MEGF11: variants seen among roughly 807,000 people sequenced by gnomAD.
MEGF11 encodes the protein multiple epidermal growth factor-like domains protein 11.
MEGF11 carries 126 observed loss-of-function variants against 146.6 expected under a neutral mutation model. The observed-to-expected ratio is 0.86, with a 90% CI of 0.74 to 1.00. The LOEUF (loss-of-function observed/expected upper bound fraction) is 1.00. Among genes scored for constraint, MEGF11 ranks in the 50% least tolerant of loss-of-function variants. MEGF11 has a pLI of 0.00. For synonymous variants in MEGF11, 532 were observed against 583.4 expected (o/e 0.91, Z 1.27); for missense variants, 1,509 against 1,521.2 (o/e 0.99, Z 0.13).
At chr15:66,078,166 C>T (rs1240112238) in intron 5 of MEGF11, among the ~76,000 whole-genome samples, 1 of 152,174 alleles carries the variant, frequency 6.6e-6, no homozygotes, top group East Asian at 1.9e-4. Context: ...CTGAACCTCT[C>T]AGAGCCCATT....
chr15:65,971,685 C>T (rs2081302341), intron 7 of MEGF11, among the ~76,000 whole-genome samples: 1 of 152,138 alleles, frequency 6.6e-6, no homozygotes, highest in African/African-American at 2.4e-5. Context: ...AGTTGAGGGT[C>T]CCATCAGTCA....
rs375860216 is a variant in MEGF11 at position 65,907,584 on chromosome 15, C to T, written c.2999-1443G>A. On this transcript the variant is annotated intron_variant, in intron 23 of 25. Transcript: ENST00000395614. ...TGCTGGGATTACAGACGTGAGCCAC[C>T]GTACCCAGCCTCAAATTTGCTGTTT... 5.0e-3 allele frequency among the ~76,000 whole-genome samples: 754 copies of T among 152,300 alleles called. 3 individuals are homozygous for T. The highest frequency in any genetic ancestry group is 8.5e-3 in the Non-Finnish European group (579 of 68,028).
At chr15:66,155,466 C>T (rs979684566) in intron 1 of MEGF11, among the ~76,000 whole-genome samples, 1 of 152,168 alleles carries the variant, frequency 6.6e-6, no homozygotes, top group African/African-American at 2.4e-5. Context: ...CAGGTAGGCA[C>T]TCCCTTGCTG....
At chr15:66,006,874 G>C (rs912088842) in intron 5 of MEGF11, among the ~76,000 whole-genome samples, 18 of 152,188 alleles carry the variant, frequency 1.2e-4, no homozygotes, top group African/African-American at 4.1e-4. Flanking sequence ...TAATGGGAGG[G>C]AGACCTTCAT....
intron 1 of MEGF11, among the ~76,000 whole-genome samples, chr15:66,211,337 C>A (rs2140128111): frequency 6.6e-6 from 1 of 152,168 alleles, no homozygotes; most frequent in Non-Finnish European, 1.5e-5. Flanking sequence ...TCTTGGCTAA[C>A]ACGGTGAAAC....
intron 21 of MEGF11, 137 bp downstream of exon 21, chr15:65,911,945 G>C: frequency 4.7e-6 from 2 of 421,886 alleles, no homozygotes; most frequent in Non-Finnish European, 8.1e-6. Context: ...CGGATTGCAA[G>C]GTTGCTTTTA....
chr15:66,075,421 T>C (rs768704957), intron 5 of MEGF11, among the ~76,000 whole-genome samples: 2 of 152,258 alleles, frequency 1.3e-5, no homozygotes, highest in Non-Finnish European at 2.9e-5. Flanking sequence ...ACTGGCTTTA[T>C]GGAAGGATTT....
chr15:66,072,444 C>T (rs191084939), intron 5 of MEGF11, among the ~76,000 whole-genome samples: 192 of 152,194 alleles, frequency 1.3e-3, no homozygotes, highest in African/African-American at 3.9e-3. Flanking sequence ...TTGAAATTAC[C>T]GTGTTTATTT....
chr15:65,958,447 C>T (rs942571822), intron 9 of MEGF11, among the ~76,000 whole-genome samples: 42 of 151,870 alleles, frequency 2.8e-4, no homozygotes, highest in African/African-American at 9.5e-4. Flanking sequence ...TATTCATGAT[C>T]AGCGGGATGC....
At chr15:65,965,571 CCTTTCTTT>C (rs1185795809) in intron 8 of MEGF11, among the ~76,000 whole-genome samples, 4 of 66,564 alleles carry the variant, frequency 6.0e-5, no homozygotes, top group African/African-American at 2.3e-4. Context: ...CAGTGAGGTC[CCTTTCTTT>C]CTTTCTTTCT....
At chr15:66,039,181 G>A (rs564314160) in intron 5 of MEGF11, among the ~76,000 whole-genome samples, 67 of 152,294 alleles carry the variant, frequency 4.4e-4, no homozygotes, top group Non-Finnish European at 7.6e-4. Flanking sequence ...TCACTCCACC[G>A]AAAAACATCG....
At chr15:65,965,570 C>CCCTTCCTTCCTTCCTT (rs1473366928) in intron 8 of MEGF11, among the ~76,000 whole-genome samples, 20 of 81,878 alleles carry the variant, frequency 2.4e-4, no homozygotes, top group African/African-American at 7.3e-4. Flanking sequence ...CCAGTGAGGT[C>CCCTTCCTTCCTTCCTT]CCTTTCTTTC....
intron 1 of MEGF11, among the ~76,000 whole-genome samples, chr15:66,241,122 C>T (rs374350415): frequency 1.2e-4 from 18 of 152,254 alleles, no homozygotes; most frequent in African/African-American, 3.4e-4. Context: ...GGATCTGGGC[C>T]GAATCAACTA....
chr15:66,082,919 G>A (rs1381807077), intron 5 of MEGF11, among the ~76,000 whole-genome samples: 1 of 152,054 alleles, frequency 6.6e-6, no homozygotes, highest in African/African-American at 2.4e-5. Flanking sequence ...ACCCCCATCT[G>A]GCCCTGCCTA....
intron 4 of MEGF11, among the ~76,000 whole-genome samples, chr15:66,103,647 C>T (rs368480879): frequency 5.9e-5 from 9 of 152,038 alleles, no homozygotes; most frequent in South Asian, 4.2e-4. Flanking sequence ...TACTGCCAGC[C>T]GGTCAAGGTG....
chr15:65,926,894 C>G (rs1260122799), intron 13 of MEGF11, among the ~76,000 whole-genome samples: 1 of 152,262 alleles, frequency 6.6e-6, no homozygotes, highest in Non-Finnish European at 1.5e-5. Flanking sequence ...AGGGTTGAGC[C>G]TTATTCTTTA....
chr15:66,232,528 C>T (rs377413657), intron 1 of MEGF11, among the ~76,000 whole-genome samples: 2 of 152,208 alleles, frequency 1.3e-5, no homozygotes, highest in South Asian at 4.2e-4. Context: ...TCCCTTAAAT[C>T]CTAGCTCTAA....
At chr15:66,075,825 C>T (rs1293153313) in intron 5 of MEGF11, among the ~76,000 whole-genome samples, 5 of 152,086 alleles carry the variant, frequency 3.3e-5, no homozygotes, top group African/African-American at 4.8e-5. Flanking sequence ...CAAATAGCTG[C>T]GTATGTATCC....
intron 12 of MEGF11, 81 bp from the exon 13 acceptor site, chr15:65,928,608 T>G: frequency 9.9e-7 from 1 of 1,006,066 alleles, no homozygotes; most frequent in Non-Finnish European, 1.4e-6. Flanking sequence ...TTTTCTTTAA[T>G]TTTTACTTTT....
Sources: allele counts gnomAD v4.1 joint callset (sites outside exome capture counted in the v4.1 genomes callset), GRCh38; gene constraint gnomAD v4.1.1; transcripts MANE v1.5; gene names NCBI Gene and HGNC (gene_info 2026-07-23, HGNC 2026-07-21).